REV1: variants seen among roughly 807,000 people sequenced by gnomAD.
REV1 encodes the protein translesion synthesis protein REV1.
Under a neutral mutation model 137.4 loss-of-function variants are expected in REV1, and 42 were observed. The observed-to-expected ratio is 0.31, with a 90% CI of 0.24 to 0.40. The LOEUF (loss-of-function observed/expected upper bound fraction) is 0.40, where lower values mean the gene tolerates loss of function less well. Among genes scored for constraint, REV1 ranks in the 10% least tolerant of loss-of-function variants. The pLI is 1.00. For missense variants in REV1, 1,282 were observed against 1,490.1 expected, an observed-to-expected ratio of 0.86 and a Z score of 2.30; for synonymous variants, 524 against 519.2, an observed-to-expected ratio of 1.01 and a Z score of -0.12.
chr2:99,488,459 C>T (rs1218408746), intron 1 of REV1, among the ~76,000 whole-genome samples: 1 of 88,260 alleles, frequency 1.1e-5, no homozygotes, highest in African/African-American at 4.0e-5. Flanking sequence ...AGACTCTACC[C>T]TCAAAAGGTC....
chr2:99,483,167 T>C (rs1005855812), intron 1 of REV1, among the ~76,000 whole-genome samples: 1 of 151,970 alleles, frequency 6.6e-6, no homozygotes. Flanking sequence ...ATCAAGAAAT[T>C]GAATTTATTA....
chr2:99,422,456 C>T (rs1213663510), intron 10 of REV1, among the ~76,000 whole-genome samples: 12 of 152,078 alleles, frequency 7.9e-5, no homozygotes, highest in Admixed American at 7.2e-4. Context: ...ACTAGGAGGG[C>T]GGTCCTCATC....
At position 99,464,956 on chromosome 2, in the gene REV1, C is replaced by T. The variant is rs758453296; in HGVS notation, c.20G>A (p.Arg7Lys). The T allele has an allele frequency of 1.2e-6, 2 of 1,613,458 alleles. No homozygotes were observed. Among genetic ancestry groups the T allele is most frequent in the South Asian group, 2.2e-5 (2 of 91,028 alleles). Residue 7 changes from arginine to lysine, a missense_variant, in exon 2 of 23, where the codon AGG (arginine) becomes AAG (lysine). Arg to Lys is a conservative substitution (Grantham distance 26). This residue lies in a region of REV1 where 107 missense variants were observed against 164.3 expected (regional missense o/e 0.65). Coordinates refer to ENST00000258428, the MANE Select transcript of REV1 (RefSeq NM_016316.4). Reference sequence around the variant, plus strand: ...CCAGCCATCATTTTCAGCTCGCTTCCTCCATCCACCTCGCCTCATGGTGGA... The same window carrying T: ...CCAGCCATCATTTTCAGCTCGCTTCTTCCATCCACCTCGCCTCATGGTGGA... MRRGGW[R>K]KRAENDGWET...
intron 14 of REV1, 109 bp from the exon 15 acceptor site, chr2:99,408,240 C>A (rs1676616987): frequency 1.9e-6 from 1 of 539,410 alleles, no homozygotes; most frequent in Non-Finnish European, 3.1e-6. Flanking sequence ...TAAACAGTTA[C>A]AAAGAAGATT....
intron 12 of REV1, among the ~76,000 whole-genome samples, chr2:99,417,019 TAAAAC>T (rs1677983598): frequency 1.3e-5 from 2 of 152,134 alleles, no homozygotes; most frequent in Non-Finnish European, 2.9e-5. Context: ...CTATTTCTAT[TAAAAC>T]AAAGAAAACT....
chr2:99,404,703 G>A lies in REV1; in HGVS notation c.2812-26C>T, dbSNP rs1332502852. The stretch of plus-strand genomic sequence containing the variant: ...CTATAAAATGCCAAACATATGAGTA[G>A]GAAGTTAAAGCATGCTCAGAGATGA... On this transcript the variant is annotated intron_variant, in intron 17 of 22. Coordinates refer to ENST00000258428, the MANE Select transcript of REV1 (RefSeq NM_016316.4). 7 of 1,510,752 alleles carry A rather than the reference G, an allele frequency of 4.6e-6. No homozygotes were observed. The South Asian group carries it at 8.1e-5, about 17-fold the overall frequency. 93.6% of individuals were successfully genotyped at this position (1,510,752 alleles called of 1,614,324 possible). A position where few individuals can be genotyped will look rare whatever the true frequency, so the allele number is the denominator to read the frequency against.
chr2:99,429,440 A>C (rs1043871415), intron 9 of REV1, among the ~76,000 whole-genome samples: 4 of 152,210 alleles, frequency 2.6e-5, no homozygotes, highest in Non-Finnish European at 5.9e-5. Flanking sequence ...TTTTAACACT[A>C]AAAAAACTGA....
chr2:99,433,868 C>G (rs1480973544), intron 8 of REV1, among the ~76,000 whole-genome samples: 2 of 152,128 alleles, frequency 1.3e-5, no homozygotes, highest in Non-Finnish European at 2.9e-5. Flanking sequence ...TCAAGAGAGG[C>G]AACAAGGTTA....
intron 4 of REV1, among the ~76,000 whole-genome samples, chr2:99,447,817 T>C (rs1214675943): frequency 6.6e-6 from 1 of 151,572 alleles, no homozygotes; most frequent in Non-Finnish European, 1.5e-5. Context: ...ATCTCCTGGG[T>C]TCACGCGATT....
At chr2:99,467,579 G>A (rs1684947650) in intron 1 of REV1, among the ~76,000 whole-genome samples, 1 of 152,140 alleles carries the variant, frequency 6.6e-6, no homozygotes, top group African/African-American at 2.4e-5. Context: ...TGGGAGACTG[G>A]GCAAAGTTTC....
intron 9 of REV1, among the ~76,000 whole-genome samples, chr2:99,425,255 G>A (rs1679191212): frequency 6.6e-6 from 1 of 152,110 alleles, no homozygotes; most frequent in South Asian, 2.1e-4. Flanking sequence ...GACCATGAGA[G>A]CCAAGAAGAA....
chr2:99,459,826 G>C (rs763610053), intron 3 of REV1, among the ~76,000 whole-genome samples: 2 of 152,188 alleles, frequency 1.3e-5, no homozygotes, highest in Non-Finnish European at 2.9e-5. Flanking sequence ...TGAACTATTA[G>C]AGGGTCTTCC....
At chr2:99,469,030 C>G (rs1685121513) in intron 1 of REV1, among the ~76,000 whole-genome samples, 1 of 152,180 alleles carries the variant, frequency 6.6e-6, no homozygotes, top group African/African-American at 2.4e-5. Context: ...CAGAGTGAGT[C>G]TAACAGCACT....
chr2:99,400,514 A>ACAT lies in REV1; in HGVS notation c.*724_*726dup, dbSNP rs879396809. On this transcript the variant is annotated 3_prime_UTR_variant, in exon 23 of 23. Transcript: ENST00000258428. ...ATTTTTATTTTAAAGTTATGGCATA[A>ACAT]CATATAACATAAAAATATTTTATAT... The ACAT allele has an allele frequency of 5.9e-5, 9 of 152,364 alleles. No homozygotes were observed. Among genetic ancestry groups the ACAT allele is most frequent in the Admixed American group, 2.6e-4 (4 of 15,308 alleles). The allele number at this position is 152,364 out of a possible 1,614,324, so 9.4% of individuals were successfully genotyped here.
chr2:99,424,646 G>T, intron 9 of REV1: 1 of 752,908 alleles, frequency 1.3e-6, no homozygotes, highest in Non-Finnish European at 1.9e-6. Context: ...TCAAAAAGAG[G>T]TTTTCTTCCC....
chr2:99,402,635 C>T lies in REV1; in HGVS notation c.3541+9G>A, dbSNP rs1251592580. On this transcript the variant is annotated intron_variant, in intron 21 of 22. Transcript: ENST00000258428. The stretch of plus-strand genomic sequence containing the variant: ...CAGCCTTGGGCCATCTAACACAGGC[C>T]AAGCCAACCTGAAATTGTAGTTATC... The T allele has an allele frequency of 9.9e-6, 16 of 1,612,660 alleles. No individual in the cohort carries two copies. Among genetic ancestry groups the T allele is most frequent in the Non-Finnish European group, 1.4e-5 (16 of 1,179,166 alleles).
rs1334382969 is a variant in REV1 at position 99,403,698 on chromosome 2, A to G, written c.3163T>C (p.Ser1055Pro). 2.5e-6 allele frequency: 4 copies of G among 1,614,132 alleles called. No homozygotes were observed. Among genetic ancestry groups the G allele is most frequent in the Non-Finnish European group, 2.5e-6 (3 of 1,180,012 alleles). ...ACATGCCACTTCCAAGGCTCACCAG[A>G]TGCGCTGGCTGACTGCTGGTGAGTG... ...NSTHQQSASA[S>P]VPKNPLLHLK... The change falls in exon 19 of 23, where the codon TCT becomes CCT. Residue 1055 changes from serine (S) to proline (P), a missense_variant. Transcript: ENST00000258428.
chr2:99,459,735 A>G (rs1378000466), intron 3 of REV1, among the ~76,000 whole-genome samples: 1 of 152,080 alleles, frequency 6.6e-6, no homozygotes, highest in Admixed American at 6.6e-5. Context: ...AACAAACAAA[A>G]AGGATAGAAG....
chr2:99,459,995 C>T (rs185649734), intron 3 of REV1, among the ~76,000 whole-genome samples: 1 of 152,306 alleles, frequency 6.6e-6, no homozygotes, highest in Admixed American at 6.5e-5. Flanking sequence ...AGAAGGGACA[C>T]CACAGCTTCT....
Sources: allele counts gnomAD v4.1 joint callset (sites outside exome capture counted in the v4.1 genomes callset), GRCh38; gene constraint gnomAD v4.1.1; regional missense constraint gnomAD v4.1.1; transcripts MANE v1.5; gene names NCBI Gene and HGNC (gene_info 2026-07-23, HGNC 2026-07-21).